Variants in C12orf42 observed in about 807,000 individuals in gnomAD.
C12orf42 encodes uncharacterized protein C12orf42.
C12orf42 carries 25 observed loss-of-function variants against 21.6 expected under a neutral mutation model. The observed-to-expected ratio is 1.16, with a 90% CI of 0.84 to 1.62. The LOEUF (loss-of-function observed/expected upper bound fraction) is 1.62. Among genes scored for constraint, C12orf42 ranks in the 40% most tolerant of loss-of-function variants. C12orf42 has a pLI of 0.00. For missense variants in C12orf42, 483 were observed against 459.3 expected, an observed-to-expected ratio of 1.05 and a Z score of -0.47; for synonymous variants, 174 against 175.0, an observed-to-expected ratio of 0.99 and a Z score of 0.05.
At chr12:103,561,950 C>T in the C12orf42 span, among the ~76,000 whole-genome samples, 1 of 152,178 alleles carries the variant, frequency 6.6e-6, no homozygotes, top group South Asian at 2.1e-4. Flanking sequence ...CAAATCTGTG[C>T]CTTACACAAA....
intron 2 of C12orf42, among the ~76,000 whole-genome samples, chr12:103,466,440 TG>T (rs747639900): frequency 6.6e-6 from 1 of 152,190 alleles, no homozygotes; most frequent in African/African-American, 2.4e-5. Flanking sequence ...ATTCACACCC[TG>T]GGTAACACTT....
chr12:103,131,509 G>T, the C12orf42 span, among the ~76,000 whole-genome samples: 1 of 152,034 alleles, frequency 6.6e-6, no homozygotes, highest in African/African-American at 2.4e-5. Context: ...TCCCTTTGAC[G>T]GTTTTAATAG....
At chr12:103,397,730 T>A (rs912879354) in intron 3 of C12orf42, 3 of 152,226 alleles carry the variant, frequency 2.0e-5, no homozygotes, top group Non-Finnish European at 4.4e-5. Context: ...TTTGTTTGCA[T>A]TCCAGGATGA....
chr12:103,332,173 G>A (rs2041293610), intron 4 of C12orf42, among the ~76,000 whole-genome samples: 1 of 152,178 alleles, frequency 6.6e-6, no homozygotes, highest in African/African-American at 2.4e-5. Flanking sequence ...GGACCTAAGT[G>A]CAGGGATCTG....
chr12:103,277,260 T>C, intron 4 of C12orf42: 1 of 391,014 alleles, frequency 2.6e-6, no homozygotes, highest in Non-Finnish European at 5.0e-6. Flanking sequence ...TAACTGTATA[T>C]TAATTCAAAA....
At chr12:103,376,348 T>C in intron 3 of C12orf42, among the ~76,000 whole-genome samples, 1 of 150,904 alleles carries the variant, frequency 6.6e-6, no homozygotes, top group East Asian at 1.9e-4. Context: ...AGAGTGGGAG[T>C]TGAACAATGA....
chr12:103,548,633 C>T, the C12orf42 span: 1 of 152,272 alleles, frequency 6.6e-6, no homozygotes, highest in African/African-American at 2.4e-5. Context: ...ATGTGAATTG[C>T]TTACTTCATC....
intron 1 of C12orf42, among the ~76,000 whole-genome samples, chr12:103,491,488 G>A (rs1231124142): frequency 6.6e-6 from 1 of 152,186 alleles, no homozygotes; most frequent in Non-Finnish European, 1.5e-5. Flanking sequence ...ATTAAAGAAA[G>A]CCTTATATCT....
chr12:103,259,869 A>G (rs1566000426), intron 10 of C12orf42, among the ~76,000 whole-genome samples: 2 of 152,314 alleles, frequency 1.3e-5, no homozygotes, highest in South Asian at 4.1e-4. Flanking sequence ...GGAAACAACC[A>G]TATAGGCAGG....
chr12:103,057,180 CTT>C, the C12orf42 span, among the ~76,000 whole-genome samples: 108 of 138,532 alleles, frequency 7.8e-4, no homozygotes, highest in East Asian at 2.7e-3. Flanking sequence ...AACAGCACAT[CTT>C]TTTTTTTTTT....
chr12:103,396,294 C>T (rs2047525708), intron 3 of C12orf42, among the ~76,000 whole-genome samples: 1 of 152,064 alleles, frequency 6.6e-6, no homozygotes, highest in Non-Finnish European at 1.5e-5. Context: ...CACTCTCTCT[C>T]CTGACACCTT....
chr12:103,190,439 C>T, the C12orf42 span, among the ~76,000 whole-genome samples: 1 of 152,150 alleles, frequency 6.6e-6, no homozygotes, highest in Admixed American at 6.5e-5. Flanking sequence ...CAAGGCTTCA[C>T]CAGCCATCAA....
chr12:103,339,728 T>C (rs1000605866), intron 4 of C12orf42, among the ~76,000 whole-genome samples: 1 of 152,188 alleles, frequency 6.6e-6, no homozygotes, highest in African/African-American at 2.4e-5. Context: ...AAAGGAACAC[T>C]TATACACTGT....
intron 3 of C12orf42, among the ~76,000 whole-genome samples, chr12:103,398,577 C>T (rs2047724637): frequency 6.6e-6 from 1 of 152,046 alleles, no homozygotes; most frequent in Admixed American, 6.5e-5. Context: ...CTAGGAAACC[C>T]GTTTATACCC....
chr12:103,263,125 G>A (rs1007779274), intron 10 of C12orf42, among the ~76,000 whole-genome samples: 1 of 151,972 alleles, frequency 6.6e-6, no homozygotes, highest in African/African-American at 2.4e-5. Flanking sequence ...ACACGGTGGG[G>A]GAATATCACA....
the C12orf42 span, among the ~76,000 whole-genome samples, chr12:103,066,749 G>A: frequency 1.8e-4 from 28 of 152,368 alleles, no homozygotes; most frequent in African/African-American, 6.7e-4. Context: ...TGGTGACAAG[G>A]AAATTTGGGG....
At chr12:103,292,122 T>C (rs192368680) in intron 4 of C12orf42, among the ~76,000 whole-genome samples, 15 of 152,254 alleles carry the variant, frequency 9.9e-5, no homozygotes, top group African/African-American at 3.6e-4. Context: ...CAATATGATA[T>C]GGATGAACCT....
chr12:103,067,215 C>T, the C12orf42 span, among the ~76,000 whole-genome samples: 1 of 152,320 alleles, frequency 6.6e-6, no homozygotes, highest in Admixed American at 6.5e-5. Context: ...ATGGGTTTGC[C>T]TATCCTGCAC....
At chr12:103,435,410 T>G (rs1045948798) in intron 2 of C12orf42, among the ~76,000 whole-genome samples, 6 of 152,200 alleles carry the variant, frequency 3.9e-5, no homozygotes, top group Admixed American at 3.9e-4. Flanking sequence ...AGAATGACTT[T>G]GATGAGCTGA....
Sources: allele counts gnomAD v4.1 joint callset (sites outside exome capture counted in the v4.1 genomes callset), GRCh38; gene constraint gnomAD v4.1.1; transcripts MANE v1.5; gene names NCBI Gene and HGNC (gene_info 2026-07-23, HGNC 2026-07-21).